TGFA: variants seen among roughly 807,000 people sequenced by gnomAD.
TGFA encodes the protein transforming growth factor alpha.
In TGFA, 12 loss-of-function variants were observed where a neutral mutation model predicts 21.7. That is an observed-to-expected ratio of 0.55 (90% CI 0.35 to 0.90). The LOEUF (loss-of-function observed/expected upper bound fraction) is 0.90. TGFA is among the 40% of genes least tolerant of loss of function. The pLI is 0.01. For missense variants in TGFA, 178 were observed against 210.8 expected (o/e 0.84, Z 0.96); for synonymous variants, 79 against 88.1 (o/e 0.90, Z 0.58).
intron 4 of TGFA, among the ~76,000 whole-genome samples, chr2:70,455,617 C>G (rs1574066404): frequency 6.6e-6 from 1 of 152,136 alleles, no homozygotes; most frequent in African/African-American, 2.4e-5. Context: ...TTGCACCAAC[C>G]TAATAAATCC....
At chr2:70,482,608 C>T (rs1671157881) in intron 2 of TGFA, among the ~76,000 whole-genome samples, 1 of 152,208 alleles carries the variant, frequency 6.6e-6, no homozygotes, top group South Asian at 2.1e-4. Flanking sequence ...CTCATATCTT[C>T]CTGATTAAAT....
intron 2 of TGFA, among the ~76,000 whole-genome samples, chr2:70,496,958 T>C (rs781898046): frequency 1.3e-5 from 2 of 152,206 alleles, no homozygotes; most frequent in Admixed American, 6.5e-5. Context: ...AGAATCACCA[T>C]GCAGGGAAAA....
intron 1 of TGFA, among the ~76,000 whole-genome samples, chr2:70,544,852 G>T (rs1553505644): frequency 6.6e-6 from 1 of 152,188 alleles, no homozygotes; most frequent in Non-Finnish European, 1.5e-5. Flanking sequence ...AGAGTCGAAT[G>T]ATGGTTACCA....
chr2:70,490,304 A>C (rs1671391876), intron 2 of TGFA, among the ~76,000 whole-genome samples: 1 of 152,242 alleles, frequency 6.6e-6, no homozygotes, highest in Non-Finnish European at 1.5e-5. Context: ...CTATTCAGAG[A>C]AGGTAAAAGA....
At chr2:70,537,489 C>T (rs543949879) in intron 1 of TGFA, among the ~76,000 whole-genome samples, 27 of 152,244 alleles carry the variant, frequency 1.8e-4, no homozygotes, top group African/African-American at 5.8e-4. Flanking sequence ...CTTGTGAATG[C>T]GAAGGGAAAG....
At chr2:70,503,938 T>G (rs1480375859) in intron 2 of TGFA, among the ~76,000 whole-genome samples, 1 of 152,200 alleles carries the variant, frequency 6.6e-6, no homozygotes, top group Non-Finnish European at 1.5e-5. Flanking sequence ...TCTGACAGGT[T>G]CAATCCCCTG....
At chr2:70,543,348 C>T (rs1282858238) in intron 1 of TGFA, among the ~76,000 whole-genome samples, 1 of 151,364 alleles carries the variant, frequency 6.6e-6, no homozygotes, top group African/African-American at 2.4e-5. Context: ...GCCAACATGG[C>T]AAAACCCCAT....
chr2:70,539,601 C>T (rs1553504954), intron 1 of TGFA, among the ~76,000 whole-genome samples: 2 of 152,096 alleles, frequency 1.3e-5, no homozygotes, highest in African/African-American at 4.8e-5. Context: ...ATTACAGGCA[C>T]CTGCCATTAT....
At chr2:70,477,215 A>G (rs1450346971) in intron 2 of TGFA, among the ~76,000 whole-genome samples, 2 of 152,222 alleles carry the variant, frequency 1.3e-5, no homozygotes, top group East Asian at 3.8e-4. Context: ...TGTTTTATCA[A>G]TAAAAAGGAA....
intron 1 of TGFA, among the ~76,000 whole-genome samples, chr2:70,531,505 A>G (rs1410028703): frequency 2.6e-5 from 4 of 152,226 alleles, no homozygotes; most frequent in East Asian, 1.9e-4. Flanking sequence ...AGAAACACAT[A>G]TTTTCCTCAT....
intron 2 of TGFA, among the ~76,000 whole-genome samples, chr2:70,492,871 T>TA (rs1365479653): frequency 2.0e-5 from 3 of 152,012 alleles, no homozygotes; most frequent in Non-Finnish European, 4.4e-5. Context: ...ATTCCCTGAT[T>TA]AAAAAAAACT....
At chr2:70,524,630 T>C (rs565070322) in intron 1 of TGFA, among the ~76,000 whole-genome samples, 3 of 152,356 alleles carry the variant, frequency 2.0e-5, no homozygotes, top group African/African-American at 7.2e-5. Flanking sequence ...TCCAGCTGAC[T>C]GGCACTGTGA....
At chr2:70,479,143 T>C (rs1671029223) in intron 2 of TGFA, among the ~76,000 whole-genome samples, 1 of 152,234 alleles carries the variant, frequency 6.6e-6, no homozygotes, top group South Asian at 2.1e-4. Context: ...TCGCTGGTTT[T>C]GAAAAAATTA....
At chr2:70,535,753 C>T (rs1359223366) in intron 1 of TGFA, among the ~76,000 whole-genome samples, 1 of 152,196 alleles carries the variant, frequency 6.6e-6, no homozygotes, top group Non-Finnish European at 1.5e-5. Flanking sequence ...GAAAGAGACA[C>T]TTCACAAGAA....
intron 1 of TGFA, among the ~76,000 whole-genome samples, chr2:70,544,708 C>T (rs1181092794): frequency 6.6e-6 from 1 of 152,152 alleles, no homozygotes; most frequent in Non-Finnish European, 1.5e-5. Context: ...TGGAACCAAA[C>T]TGATATTCCA....
intron 2 of TGFA, among the ~76,000 whole-genome samples, chr2:70,482,813 A>G (rs1671163767): frequency 6.6e-6 from 1 of 151,940 alleles, no homozygotes; most frequent in East Asian, 1.9e-4. Flanking sequence ...TTTTCCTTAT[A>G]TGTCTTCCTT....
In TGFA at chr2:70,466,224, T is replaced by C. The variant is rs555799720; in HGVS notation, c.95-488A>G. ...AAGTTAAGTAAATGGGTTTCCAGTA[T>C]TGTCTGTATAGCGGTGGCTCACGCC... On this transcript the variant is annotated intron_variant, in intron 2 of 5. Coordinates refer to ENST00000295400, the MANE Select transcript of TGFA (RefSeq NM_003236.4). Among the ~76,000 whole-genome samples, 10 of 152,330 alleles carry C rather than the reference T, an allele frequency of 6.6e-5. No individual in the cohort carries two copies. The South Asian group carries it at 1.7e-3, about 25-fold the overall frequency.
At chr2:70,504,477 CAT>C (rs370498590) in intron 2 of TGFA, among the ~76,000 whole-genome samples, 5,829 of 67,364 alleles carry the variant, frequency 0.087, 420 homozygotes, top group African/African-American at 0.2. Flanking sequence ...CACATACATA[CAT>C]ACATACACAC....
At chr2:70,450,953 G>T in intron 5 of TGFA, 87 bp from the exon 6 acceptor site, 1 of 1,501,158 alleles carries the variant, frequency 6.7e-7, no homozygotes, top group South Asian at 1.2e-5. Flanking sequence ...ACTTGGAGAT[G>T]GCAGAGCCAA....
Sources: allele counts gnomAD v4.1 joint callset (sites outside exome capture counted in the v4.1 genomes callset), GRCh38; gene constraint gnomAD v4.1.1; transcripts MANE v1.5; gene names NCBI Gene and HGNC (gene_info 2026-07-23, HGNC 2026-07-21).